The following DIAPH3 variants were observed in gnomAD, a reference collection of about 807,000 sequenced individuals.
The protein encoded by DIAPH3 is protein diaphanous homolog 3.
DIAPH3 carries 117 observed loss-of-function variants against 144.3 expected under a neutral mutation model. The ratio of observed to expected loss-of-function variants is 0.81; its 90% CI spans 0.70 to 0.95. The LOEUF is 0.95. DIAPH3 is among the 40% of genes least tolerant of loss of function. DIAPH3 has a pLI of 0.00. For synonymous variants in DIAPH3, 519 were observed against 488.9 expected (o/e 1.06, Z -0.81); for missense variants, 1,421 against 1,412.7 (o/e 1.01, Z -0.09).
chr13:60,143,729 G>A (rs1951381434), intron 1 of DIAPH3, among the ~76,000 whole-genome samples: 1 of 152,162 alleles, frequency 6.6e-6, no homozygotes. Flanking sequence ...GTTTTGCTGG[G>A]TGTCAGTTAT....
intron 5 of DIAPH3, among the ~76,000 whole-genome samples, chr13:60,036,313 A>G (rs1277869481): frequency 6.6e-6 from 1 of 152,204 alleles, no homozygotes; most frequent in Non-Finnish European, 1.5e-5. Context: ...CTTAGGCAGC[A>G]CTGTCTAATA....
At chr13:60,032,652 A>G (rs1445252909) in intron 5 of DIAPH3, among the ~76,000 whole-genome samples, 1 of 152,182 alleles carries the variant, frequency 6.6e-6, no homozygotes, top group Non-Finnish European at 1.5e-5. Flanking sequence ...CTGGCCCTCA[A>G]AACTATTCTT....
rs1315447672 is a variant in DIAPH3 at position 59,905,347 on chromosome 13, A to AAAAAAAAAAAAAAAAAAAAAG, written c.2367+6387_2367+6388insCTTTTTTTTTTTTTTTTTTTT. 2.9e-5 allele frequency among the ~76,000 whole-genome samples: 3 copies of AAAAAAAAAAAAAAAAAAAAAG among 102,644 alleles called. No individual in the cohort carries two copies. In the East Asian group the frequency reaches 7.3e-4, roughly 25 times the overall value. The allele number at this position is 102,644 out of a possible 152,430, so 67.3% of individuals were successfully genotyped here. A position where few individuals can be genotyped will look rare whatever the true frequency, so the allele number is the denominator to read the frequency against. ...GACAGAGCGAGACTCTGTCTCAAAA[A>AAAAAAAAAAAAAAAAAAAAAG]AAAAAAAAAAAAAAAAAAAAAAAGT... On this transcript the variant is annotated intron_variant, in intron 20 of 27. Coordinates refer to ENST00000400324, the MANE Select transcript of DIAPH3 (RefSeq NM_001042517.2).
intron 21 of DIAPH3, among the ~76,000 whole-genome samples, chr13:59,868,820 T>C (rs1027976177): frequency 1.6e-4 from 24 of 152,274 alleles, no homozygotes; most frequent in African/African-American, 5.8e-4. Flanking sequence ...AATCATACAG[T>C]AGATAGCCCT....
rs1301752111 is a variant in DIAPH3, at chr13:59,781,291, T to C, written c.3164-6468A>G. The stretch of plus-strand genomic sequence containing the variant: ...TGGTTTCCAAATTCTGAAGCGAAAT[T>C]ATTTCCAGTGAAGAAATGATTATGT... On this transcript the variant is annotated intron_variant, in intron 25 of 27. Transcript: ENST00000400324. Among the ~76,000 whole-genome samples, 6 of 152,228 alleles carry C rather than the reference T, an allele frequency of 3.9e-5. No homozygotes were observed. The East Asian group carries it at 1.2e-3, about 29-fold the overall frequency.
chr13:59,736,114 C>T (rs957635825), intron 27 of DIAPH3, among the ~76,000 whole-genome samples: 5 of 152,166 alleles, frequency 3.3e-5, no homozygotes, highest in Non-Finnish European at 5.9e-5. Flanking sequence ...CTGCAAAGGA[C>T]ATGCTTGCAT....
chr13:59,893,510 T>C (rs1440872411), intron 20 of DIAPH3, among the ~76,000 whole-genome samples: 1 of 151,802 alleles, frequency 6.6e-6, no homozygotes, highest in South Asian at 2.1e-4. Context: ...GCTGGGGAGG[T>C]AGGATCCAAA....
At chr13:60,045,113 G>A (rs147485754) in intron 4 of DIAPH3, among the ~76,000 whole-genome samples, 29 of 152,118 alleles carry the variant, frequency 1.9e-4, no homozygotes, top group African/African-American at 6.0e-4. Context: ...AGGCTGAGGC[G>A]GGCGGATCAC....
intron 27 of DIAPH3, among the ~76,000 whole-genome samples, chr13:59,746,634 T>C (rs980853557): frequency 1.3e-5 from 2 of 152,226 alleles, no homozygotes; most frequent in African/African-American, 4.8e-5. Context: ...AATTCTCCTT[T>C]TCTGATCAGA....
At chr13:59,733,068 G>A (rs113307002) in intron 27 of DIAPH3, among the ~76,000 whole-genome samples, 2,258 of 152,136 alleles carry the variant, frequency 0.015, 20 homozygotes, top group Non-Finnish European at 0.024. Context: ...AAAAAAGTTC[G>A]AAAGCCACTA....
At chr13:59,745,413 C>T (rs897672906) in intron 27 of DIAPH3, among the ~76,000 whole-genome samples, 7 of 152,036 alleles carry the variant, frequency 4.6e-5, no homozygotes, top group Admixed American at 4.6e-4. Context: ...GTATTTCAGA[C>T]AAGTGTACCT....
chr13:60,031,336 T>TC lies in DIAPH3; in HGVS notation c.626+11353dup, dbSNP rs1486883240. ...GGATCTGACCCATGATCCAAACACC[T>TC]CCCCCAGGCCCCACCTCCAGCACTA... is the stretch of plus-strand genomic sequence containing the variant. On this transcript the variant is annotated intron_variant, in intron 5 of 27. Transcript: ENST00000400324. Among the ~76,000 whole-genome samples, 8 of 151,770 alleles carry TC rather than the reference T, an allele frequency of 5.3e-5. No individual in the cohort carries two copies. In the South Asian group the frequency reaches 1.3e-3, roughly 24 times the overall value.
chr13:59,932,948 TTTTG>T (rs1194922042), intron 17 of DIAPH3, among the ~76,000 whole-genome samples: 3 of 152,086 alleles, frequency 2.0e-5, no homozygotes, highest in Non-Finnish European at 4.4e-5. Flanking sequence ...ATAACAAAAG[TTTTG>T]TTTGTTTTTT....
At chr13:60,017,846 T>C (rs918559949) in intron 5 of DIAPH3, among the ~76,000 whole-genome samples, 4 of 152,126 alleles carry the variant, frequency 2.6e-5, no homozygotes, top group African/African-American at 9.7e-5. Context: ...TAAACAGAGG[T>C]TGTTTTCAAA....
chr13:59,724,056 G>A (rs963185100), intron 27 of DIAPH3, among the ~76,000 whole-genome samples: 1 of 151,754 alleles, frequency 6.6e-6, no homozygotes, highest in Non-Finnish European at 1.5e-5. Context: ...ACTGTGAGGG[G>A]CTTTACCAGC....
At chr13:59,765,918 C>T (rs1022580130) in intron 27 of DIAPH3, among the ~76,000 whole-genome samples, 1 of 152,118 alleles carries the variant, frequency 6.6e-6, no homozygotes, top group African/African-American at 2.4e-5. Context: ...TTGGCACATG[C>T]CTGGAAGAAA....
At chr13:60,002,073 C>T (rs528858769) in intron 9 of DIAPH3, among the ~76,000 whole-genome samples, 1 of 152,172 alleles carries the variant, frequency 6.6e-6, no homozygotes, top group Non-Finnish European at 1.5e-5. Context: ...ACACATCATA[C>T]TGTATCTGAA....
chr13:59,803,947 C>T (rs776108125), intron 25 of DIAPH3, among the ~76,000 whole-genome samples: 20 of 152,116 alleles, frequency 1.3e-4, no homozygotes, highest in Non-Finnish European at 2.8e-4. Context: ...AGTTGGTGGA[C>T]GTGGAAGAAT....
intron 27 of DIAPH3, among the ~76,000 whole-genome samples, chr13:59,733,077 T>G (rs992394649): frequency 1.1e-4 from 17 of 152,126 alleles, no homozygotes; most frequent in Non-Finnish European, 1.9e-4. Context: ...CGAAAGCCAC[T>G]AGGATAGACA....
Sources: gnomAD v4.1 joint callset for allele counts (sites outside exome capture counted in the v4.1 genomes callset) on GRCh38, gnomAD v4.1.1 for gene constraint, MANE v1.5 for transcripts, NCBI Gene and HGNC (gene_info 2026-07-23, HGNC 2026-07-21) for gene names.